MEGF8: variants seen among roughly 807,000 people sequenced by gnomAD.
The protein encoded by MEGF8 is multiple EGF like domains 8.
MEGF8 carries 156 observed loss-of-function variants against 302.9 expected under a neutral mutation model. That is an observed-to-expected ratio of 0.52 (90% CI 0.45 to 0.59). The LOEUF (loss-of-function observed/expected upper bound fraction) is 0.59. MEGF8 is among the 20% of genes least tolerant of loss of function. MEGF8 has a pLI of 0.00. For missense variants in MEGF8, 3,345 were observed against 3,964.5 expected (o/e 0.84, Z 4.20); for synonymous variants, 1,621 against 1,660.5 (o/e 0.98, Z 0.58).
At chr19:42,367,311 C>T (rs1277851118) in intron 35 of MEGF8, among the ~76,000 whole-genome samples, 4 of 145,446 alleles carry the variant, frequency 2.8e-5, no homozygotes, top group Non-Finnish European at 6.0e-5. Context: ...TTTTTTGAGA[C>T]GGAGTCTCGC....
chr19:42,334,351 C>T, intron 3 of MEGF8, 138 bp downstream of exon 3: 2 of 819,282 alleles, frequency 2.4e-6, no homozygotes, highest in Non-Finnish European at 3.7e-6. Flanking sequence ...ACCCACTTCC[C>T]TCTCCTTCCA....
chr19:42,373,305 A>G (rs1371546557), intron 41 of MEGF8, among the ~76,000 whole-genome samples: 1 of 150,982 alleles, frequency 6.6e-6, no homozygotes, highest in Non-Finnish European at 1.5e-5. Context: ...GTTGGCCAGG[A>G]TGGTCTTGAT....
chr19:42,335,429 C>T (rs1370258278), intron 5 of MEGF8, 44 bp downstream of exon 5: 1 of 1,590,472 alleles, frequency 6.3e-7, no homozygotes, highest in South Asian at 1.1e-5. Flanking sequence ...TCCACTCAAT[C>T]AGACCCAGCC....
chr19:42,348,366 C>T lies in MEGF8; in HGVS notation c.2192C>T (p.Pro731Leu). Reference sequence around the variant, plus strand: ...CGTGGCTTCATCTACCCAATGCTGCCTGGAGGGCCAGGTGGACCAGGGGCT... The same window carrying T: ...CGTGGCTTCATCTACCCAATGCTGCTTGGAGGGCCAGGTGGACCAGGGGCT... ...VYRGFIYPML[P>L]GGPGGPGAED... The change falls in exon 13 of 42, where the codon CCT (proline) becomes CTT (leucine). Residue 731 changes from proline to leucine, a missense_variant. By Grantham distance (98) the Pro-to-Leu change is moderately conservative. Coordinates refer to ENST00000251268, the MANE Select transcript of MEGF8 (RefSeq NM_001271938.2). The T allele has an allele frequency of 6.5e-7, 1 of 1,537,410 alleles. No homozygotes were observed. The highest frequency in any genetic ancestry group is 8.7e-7 in the Non-Finnish European group (1 of 1,146,926).
Position 42,352,200 on chromosome 19 carries a change from C to T in MEGF8, c.3102-8C>T. 1 of 1,513,686 alleles carries T rather than the reference C, an allele frequency of 6.6e-7. No homozygotes were observed. The highest frequency in any genetic ancestry group is 8.9e-7 in the Non-Finnish European group (1 of 1,126,222). The allele number at this position is 1,513,686 out of a possible 1,614,324, so 93.8% of individuals were successfully genotyped here. On this transcript the variant is annotated splice_polypyrimidine_tract_variant and splice_region_variant and intron_variant, in intron 18 of 41. Coordinates refer to ENST00000251268, the MANE Select transcript of MEGF8 (RefSeq NM_001271938.2). The surrounding 1 kb of genome is among the most constrained non-coding windows in gnomAD (Gnocchi z 4.4). ...TGTCCCCCGCTTCTTCACTCTCCCA[C>T]CCTGCAGGTGCCTACAGGGGGACTT... is the stretch of plus-strand genomic sequence containing the variant.
At position 42,344,727 on chromosome 19, in the gene MEGF8, C is replaced by T. The variant is rs1412725691; in HGVS notation, c.1991C>T (p.Ala664Val). The change falls in exon 12 of 42, where the codon GCG becomes GTG. Residue 664 changes from alanine (A) to valine (V), a missense_variant. Coordinates refer to ENST00000251268, the MANE Select transcript of MEGF8 (RefSeq NM_001271938.2). The surrounding 1 kb of genome is among the most constrained non-coding windows in gnomAD (Gnocchi z 4.5). ...ISGTVGWWGP[A>V]PVFVTSLEAC... The stretch of plus-strand genomic sequence containing the variant: ...GGCACTGTGGGCTGGTGGGGGCCTG[C>T]GCCTGTCTTCGTCACGTCCCTGGAG... 8.7e-6 allele frequency: 14 copies of T among 1,610,850 alleles called. No homozygotes were observed. The highest frequency in any genetic ancestry group is 1.3e-5 in the African/African-American group (1 of 74,814).
Position 42,333,657 on chromosome 19 carries a change from G to C in MEGF8, c.240G>C (p.Glu80Asp). The C allele has an allele frequency of 6.2e-7, 1 of 1,614,014 alleles. No homozygotes were observed. Among genetic ancestry groups the C allele is most frequent in the Non-Finnish European group, 8.5e-7 (1 of 1,179,894 alleles). Residue 80 changes from glutamate (E) to aspartate (D), a missense_variant, in exon 2 of 42, where the codon GAG becomes GAC. Physicochemically the swap from Glu to Asp is conservative, Grantham distance 45. Transcript: ENST00000251268. ...TGGACTTCCTTTTCCTGGACACAGAGTGCACGTATGACTACCTGTTCGTGT... is the reference window on the plus strand; with the variant it reads ...TGGACTTCCTTTTCCTGGACACAGACTGCACGTATGACTACCTGTTCGTGT... ...ILLDFLFLDTECTYDYLFVYD... is the reference protein window; with the variant it reads ...ILLDFLFLDTDCTYDYLFVYD...
chr19:42,338,294 C>G (rs2147454409), intron 8 of MEGF8, among the ~76,000 whole-genome samples: 1 of 151,326 alleles, frequency 6.6e-6, no homozygotes, highest in Admixed American at 6.6e-5. Context: ...GGCTGGAATG[C>G]AGTGGTGCAA....
chr19:42,362,321 C>G, intron 33 of MEGF8, 63 bp from the exon 34 acceptor site: 1 of 1,610,908 alleles, frequency 6.2e-7, no homozygotes, highest in Non-Finnish European at 8.5e-7. Flanking sequence ...CAGGAACCAC[C>G]GAGTTCTCAG....
In MEGF8 at chr19:42,344,759, G is replaced by C; in HGVS notation, c.2023G>C (p.Val675Leu). 2 of 1,611,996 alleles carry C rather than the reference G, an allele frequency of 1.2e-6. No homozygotes were observed. The highest frequency in any genetic ancestry group is 3.3e-5 in the Admixed American group (2 of 59,850). The change falls in exon 12 of 42, where the codon GTC becomes CTC. Residue 675 changes from valine (V) to leucine (L), a missense_variant. Physicochemically the swap from Val to Leu is conservative, Grantham distance 32. Coordinates refer to ENST00000251268, the MANE Select transcript of MEGF8 (RefSeq NM_001271938.2). This position sits in a 1 kb window ranked among gnomAD's most constrained non-coding sequence, Gnocchi z 4.5. The part of the protein sequence containing the change: ...PVFVTSLEAC[V>L]TQSFLPGLHL... Reference sequence around the variant, plus strand: ...CTTCGTCACGTCCCTGGAGGCCTGCGTCACCCAGAGCTTCCTGCCTGGCCT... The same window carrying C: ...CTTCGTCACGTCCCTGGAGGCCTGCCTCACCCAGAGCTTCCTGCCTGGCCT...
In MEGF8 at chr19:42,349,702, G is replaced by C; in HGVS notation, c.2499+3G>C. On this transcript the variant is annotated splice_donor_region_variant and intron_variant, in intron 14 of 41. Coordinates refer to ENST00000251268, the MANE Select transcript of MEGF8 (RefSeq NM_001271938.2). ...GGACTGGTGTGCCAGGAGGCAGCGT[G>C]AGTACCCAGGACCTACCTCCAACCC... The C allele has an allele frequency of 6.2e-7, 1 of 1,610,928 alleles. No homozygotes were observed. The highest frequency in any genetic ancestry group is 8.5e-7 in the Non-Finnish European group (1 of 1,179,440).
rs1248043716 is a variant in MEGF8, at chr19:42,359,127, C to T, written c.5373C>T (p.Ala1791=). The change falls in exon 31 of 42, where the codon GCC becomes GCT. Residue 1791 remains alanine (A), a synonymous_variant. Coordinates refer to ENST00000251268, the MANE Select transcript of MEGF8 (RefSeq NM_001271938.2). ...GCCCCCGGCTTTTCCACGCCTCAGC[C>T]CTGTTAGGGGACACCATGGTGGTTC... ...EPRPRLFHAS[A]LLGDTMVVLG... is the part of the protein sequence containing the mutation. The T allele has an allele frequency of 1.3e-6, 2 of 1,576,822 alleles. No individual in the cohort carries two copies. Among genetic ancestry groups the T allele is most frequent in the Non-Finnish European group, 1.7e-6 (2 of 1,162,726 alleles).
At chr19:42,343,710 A>AGGGGATCCCTGGGAGAAGGAGT in intron 9 of MEGF8, 79 bp downstream of exon 9, 8 of 1,469,628 alleles carry the variant, frequency 5.4e-6, no homozygotes, top group African/African-American at 1.4e-5. Flanking sequence ...GAAAGGCAGG[A>AGGGGATCCCTGGGAGAAGGAGT]GGGGATCCCT....
Position 42,334,232 on chromosome 19 carries a change from C to A in MEGF8, c.558+19C>A. Reference sequence around the variant, plus strand: ...CGCCTCGGTGAGCCGGTCCCCAGCCCTGTTTCCCCTGGGGCCCTGATCTGT... The same window carrying A: ...CGCCTCGGTGAGCCGGTCCCCAGCCATGTTTCCCCTGGGGCCCTGATCTGT... On this transcript the variant is annotated intron_variant, in intron 3 of 41. Transcript: ENST00000251268. 2 of 1,568,148 alleles carry A rather than the reference C, an allele frequency of 1.3e-6. No homozygotes were observed. The highest frequency in any genetic ancestry group is 1.7e-6 in the Non-Finnish European group (2 of 1,156,854).
At chr19:42,337,855 G>A (rs1296829786) in intron 8 of MEGF8, among the ~76,000 whole-genome samples, 1 of 151,738 alleles carries the variant, frequency 6.6e-6, no homozygotes, top group Non-Finnish European at 1.5e-5. Flanking sequence ...CCGGGCTAGA[G>A]TGCAGTAGCG....
At position 42,349,603 on chromosome 19, in the gene MEGF8, T is replaced by A. The variant is rs767876302; in HGVS notation, c.2403T>A (p.Tyr801Ter). The stretch of plus-strand genomic sequence containing the variant: ...CTCTGCCTGGGCGGGACCACAAGTA[T>A]GCAGTAGAGATCCAGGGCCAGCTCA... ...LFPLPGRDHK[Y>*]AVEIQGQLNG... Residue 801 changes from tyrosine to a stop codon, truncating the protein, a stop_gained, in exon 14 of 42, where the codon TAT (tyrosine) becomes TAA (stop). Coordinates refer to ENST00000251268, the MANE Select transcript of MEGF8 (RefSeq NM_001271938.2). LOFTEE classifies it high-confidence loss of function. 1 of 1,612,030 alleles carries A rather than the reference T, an allele frequency of 6.2e-7. No individual in the cohort carries two copies. The highest frequency in any genetic ancestry group is 1.7e-5 in the Admixed American group (1 of 60,012).
Position 42,356,819 on chromosome 19 carries a change from C to G in MEGF8, c.4668C>G (p.Ala1556=). 1 of 1,557,566 alleles carries G rather than the reference C, an allele frequency of 6.4e-7. No homozygotes were observed. The highest frequency in any genetic ancestry group is 8.7e-7 in the Non-Finnish European group (1 of 1,150,752). Residue 1556 remains alanine, a synonymous_variant, in exon 27 of 42, where the codon GCC becomes GCG. Coordinates refer to ENST00000251268, the MANE Select transcript of MEGF8 (RefSeq NM_001271938.2). This position sits in a 1 kb window ranked among gnomAD's most constrained non-coding sequence, Gnocchi z 5.2. ...GGTGGACACAGATGCTGGCGGGAGC[C>G]GAGGACGGGGGCCCAGGCCCATCGC... The part of the protein sequence containing the change: ...ERRWTQMLAG[A]EDGGPGPSPR...
chr19:42,370,667 C>T, intron 39 of MEGF8, 34 bp from the exon 40 acceptor site: 1 of 1,579,588 alleles, frequency 6.3e-7, no homozygotes, highest in Non-Finnish European at 8.6e-7. Flanking sequence ...TTGGTCCAGG[C>T]CTTTCTATGA....
At position 42,344,920 on chromosome 19, in the gene MEGF8, A is replaced by T. The variant is rs1457548161; in HGVS notation, c.2097+87A>T. 41 of 1,344,644 alleles carry T rather than the reference A, an allele frequency of 3.0e-5. No homozygotes were observed. Among genetic ancestry groups the T allele is most frequent in the Non-Finnish European group, 4.0e-5 (40 of 1,007,778 alleles). 83.3% of individuals were successfully genotyped at this position (1,344,644 alleles called of 1,614,324 possible). Reference sequence around the variant, plus strand: ...TCTCAAATGCATCTTTATCACTCTTATGTTTACTCCAAAACTCTTTACATT... The same window carrying T: ...TCTCAAATGCATCTTTATCACTCTTTTGTTTACTCCAAAACTCTTTACATT... On this transcript the variant is annotated intron_variant, in intron 12 of 41. Transcript: ENST00000251268. The surrounding 1 kb of genome is among the most constrained non-coding windows in gnomAD (Gnocchi z 4.5).
Sources: gnomAD v4.1 joint callset for allele counts (sites outside exome capture counted in the v4.1 genomes callset) on GRCh38, gnomAD v4.1.1 for gene constraint, Gnocchi (gnomAD v3.1) non-coding constraint, MANE v1.5 for transcripts, NCBI Gene and HGNC (gene_info 2026-07-23, HGNC 2026-07-21) for gene names.